The following PARD3 variants were observed in gnomAD, a reference collection of about 807,000 sequenced individuals.
PARD3 encodes the protein partitioning defective 3 homolog.
In PARD3, 75 loss-of-function variants were observed where a neutral mutation model predicts 155.4. That is an observed-to-expected ratio of 0.48 (90% CI 0.40 to 0.58). PARD3 has a LOEUF of 0.58. Among genes scored for constraint, PARD3 ranks in the 20% least tolerant of loss-of-function variants. PARD3 has a pLI of 0.00. For synonymous variants in PARD3, 576 were observed against 610.5 expected (o/e 0.94, Z 0.83); for missense variants, 1,642 against 1,721.7 (o/e 0.95, Z 0.82).
At chr10:34,478,159 AT>A (rs1186908794) in intron 3 of PARD3, among the ~76,000 whole-genome samples, 19 of 152,244 alleles carry the variant, frequency 1.2e-4, no homozygotes, top group Non-Finnish European at 2.4e-4. Flanking sequence ...TTGTTATTAA[AT>A]TTTTTTTCTA....
chr10:34,214,127 C>CT (rs71523320), intron 22 of PARD3, among the ~76,000 whole-genome samples: 22,636 of 152,128 alleles, frequency 0.15, 2,262 homozygotes, highest in Middle Eastern at 0.29. Context: ...TCTTGAACTC[C>CT]TAGCTTCGAG....
intron 2 of PARD3, among the ~76,000 whole-genome samples, chr10:34,680,766 T>C (rs1235502420): frequency 7.2e-6 from 1 of 138,836 alleles, no homozygotes. Flanking sequence ...TTCTCACTCA[T>C]AGGTGGGAAT....
chr10:34,404,707 A>G (rs970125403), intron 5 of PARD3, among the ~76,000 whole-genome samples: 2 of 152,022 alleles, frequency 1.3e-5, no homozygotes, highest in Non-Finnish European at 2.9e-5. Flanking sequence ...TAGCAATTCT[A>G]TCATTTGCCA....
At chr10:34,394,305 C>T (rs1261731327) in intron 7 of PARD3, among the ~76,000 whole-genome samples, 3 of 152,146 alleles carry the variant, frequency 2.0e-5, no homozygotes, top group Admixed American at 6.5e-5. Context: ...GGATTACAGG[C>T]ATGAGCCACC....
intron 24 of PARD3, among the ~76,000 whole-genome samples, chr10:34,113,074 G>A (rs958533809): frequency 6.6e-6 from 1 of 152,198 alleles, no homozygotes; most frequent in Non-Finnish European, 1.5e-5. Flanking sequence ...CATTAATCAT[G>A]AAACTTTAAT....
intron 1 of PARD3, among the ~76,000 whole-genome samples, chr10:34,784,234 T>G (rs998725941): frequency 1.5e-4 from 23 of 152,168 alleles, no homozygotes; most frequent in African/African-American, 5.3e-4. Context: ...AACATCAGTA[T>G]TCTAAAAAGT....
chr10:34,436,224 T>C (rs549523104), intron 5 of PARD3, among the ~76,000 whole-genome samples: 1 of 152,244 alleles, frequency 6.6e-6, no homozygotes, highest in African/African-American at 2.4e-5. Context: ...AGAACCCAAC[T>C]CTCACCCCAA....
At chr10:34,161,663 A>G (rs1949287670) in intron 22 of PARD3, among the ~76,000 whole-genome samples, 1 of 152,206 alleles carries the variant, frequency 6.6e-6, no homozygotes, top group Non-Finnish European at 1.5e-5. Context: ...CTGGAAAAAA[A>G]CATAAAAGAA....
chr10:34,569,302 T>G (rs916036664), intron 2 of PARD3, among the ~76,000 whole-genome samples: 1 of 152,202 alleles, frequency 6.6e-6, no homozygotes, highest in Non-Finnish European at 1.5e-5. Flanking sequence ...ATAGGATAAT[T>G]TACAGTGGAT....
intron 15 of PARD3, chr10:34,343,693 C>T (rs889742433): frequency 1.0e-6 from 1 of 984,388 alleles, no homozygotes; most frequent in Non-Finnish European, 1.2e-6. Flanking sequence ...ACAATGATCC[C>T]TTAATTATGT....
intron 21 of PARD3, among the ~76,000 whole-genome samples, chr10:34,277,688 A>G (rs1955953557): frequency 6.6e-6 from 1 of 152,198 alleles, no homozygotes; most frequent in African/African-American, 2.4e-5. Context: ...GTTAACTTGC[A>G]TCCCTCAATG....
At chr10:34,344,037 C>A in intron 15 of PARD3, 1 of 958,980 alleles carries the variant, frequency 1.0e-6, no homozygotes, top group Non-Finnish European at 1.2e-6. Flanking sequence ...CTAAATACGT[C>A]TTCTTAAACT....
chr10:34,741,153 T>A (rs1590902416), intron 1 of PARD3, among the ~76,000 whole-genome samples: 1 of 151,522 alleles, frequency 6.6e-6, no homozygotes, highest in Admixed American at 6.6e-5. Context: ...AAAAGTCAAC[T>A]GCTGTGTTTT....
At chr10:34,170,762 GC>G (rs1949749029) in intron 22 of PARD3, among the ~76,000 whole-genome samples, 1 of 152,186 alleles carries the variant, frequency 6.6e-6, no homozygotes, top group African/African-American at 2.4e-5. Context: ...AAAGCCTACA[GC>G]AAGAGGGAAA....
At chr10:34,230,194 C>T (rs1952847550) in intron 22 of PARD3, among the ~76,000 whole-genome samples, 1 of 152,076 alleles carries the variant, frequency 6.6e-6, no homozygotes, top group Admixed American at 6.5e-5. Flanking sequence ...TAAATAAATA[C>T]ATACCATAGA....
At chr10:34,776,999 G>T (rs1839652000) in intron 1 of PARD3, among the ~76,000 whole-genome samples, 1 of 143,600 alleles carries the variant, frequency 7.0e-6, no homozygotes, top group Admixed American at 6.9e-5. Context: ...ACCATGTCTG[G>T]CTAATTTTTT....
chr10:34,416,491 T>C (rs1282700135), intron 5 of PARD3, among the ~76,000 whole-genome samples: 1 of 152,188 alleles, frequency 6.6e-6, no homozygotes, highest in East Asian at 1.9e-4. Context: ...TGAGAGGTTC[T>C]ACAGTAACAG....
intron 1 of PARD3, among the ~76,000 whole-genome samples, chr10:34,810,495 A>G (rs1843999925): frequency 6.6e-6 from 1 of 152,302 alleles, no homozygotes; most frequent in South Asian, 2.1e-4. Flanking sequence ...AGAGGCCCCA[A>G]TAATCAACCT....
At chr10:34,570,791 C>A (rs1024045603) in intron 2 of PARD3, among the ~76,000 whole-genome samples, 1 of 152,174 alleles carries the variant, frequency 6.6e-6, no homozygotes, top group African/African-American at 2.4e-5. Flanking sequence ...GGAAAATGCA[C>A]TGTACACTCA....
Sources: gnomAD v4.1 joint callset for allele counts (sites outside exome capture counted in the v4.1 genomes callset) on GRCh38, gnomAD v4.1.1 for gene constraint, MANE v1.5 for transcripts, NCBI Gene and HGNC (gene_info 2026-07-23, HGNC 2026-07-21) for gene names.